Variants in OFD1 observed in about 807,000 individuals in gnomAD.
The protein encoded by OFD1 is OFD1 centriole and centriolar satellite protein.
OFD1 carries 12 observed loss-of-function variants against 81.4 expected under a neutral mutation model. The ratio of observed to expected loss-of-function variants is 0.15; its 90% CI spans 0.09 to 0.24. The LOEUF (loss-of-function observed/expected upper bound fraction) is 0.24. OFD1 is among the 10% of genes least tolerant of loss of function. The pLI is 1.00. For missense variants in OFD1, 685 were observed against 733.9 expected, an observed-to-expected ratio of 0.93 and a Z score of 0.77; for synonymous variants, 256 against 263.7, an observed-to-expected ratio of 0.97 and a Z score of 0.28.
intron 17 of OFD1, among the ~76,000 whole-genome samples, chrX:13,761,416 C>T (rs1034916412): frequency 9.0e-6 from 1 of 110,973 alleles, no homozygotes; most frequent in Non-Finnish European, 1.9e-5. Context: ...TTGCTTTTAG[C>T]AAATAAGTGG....
intron 8 of OFD1, 149 bp from the exon 9 acceptor site, chrX:13,749,276 AAG>A: frequency 4.3e-6 from 2 of 460,972 alleles, no homozygotes; most frequent in Non-Finnish European, 7.8e-6. Context: ...AATACGCAAA[AAG>A]TATACCTTGA....
Position 13,751,359 on chromosome X carries a change from A to G in OFD1, c.1046A>G (p.Glu349Gly), listed in dbSNP as rs1489275222. The G allele has an allele frequency of 2.5e-6, 3 of 1,197,790 alleles. No individual in the cohort carries two copies. Among genetic ancestry groups the G allele is most frequent in the Non-Finnish European group, 3.4e-6 (3 of 885,107 alleles). ...EETYDRKLKN[E>G]LLKYQLELKD... ...ACCTATGACCGAAAGCTCAAGAATG[A>G]ACTTCTAAAGTAATTGTTTAGCATT... The change falls in exon 10 of 23, where the codon GAA becomes GGA. Residue 349 changes from glutamate to glycine, a missense_variant. Glu to Gly is a moderately conservative substitution (Grantham distance 98). Transcript: ENST00000340096.
intron 11 of OFD1, among the ~76,000 whole-genome samples, chrX:13,754,242 A>G (rs2047615665): frequency 9.0e-6 from 1 of 111,074 alleles, no homozygotes; most frequent in African/African-American, 3.3e-5. Context: ...CGGCCTCCCA[A>G]AGTGCTGGGA....
At chrX:13,725,760 G>C in the OFD1 span, among the ~76,000 whole-genome samples, 1 of 112,327 alleles carries the variant, frequency 8.9e-6, no homozygotes, top group African/African-American at 3.2e-5. Flanking sequence ...GAATGACTTT[G>C]ATGAGTTGAC....
In OFD1 at chrX:13,734,940, G is replaced by T. The variant is rs764478757; in HGVS notation, c.-132G>T. 1 of 1,116,837 alleles carries T rather than the reference G, an allele frequency of 9.0e-7. No individual in the cohort carries two copies. Among genetic ancestry groups the T allele is most frequent in the East Asian group, 3.3e-5 (1 of 30,397 alleles). 92.0% of individuals were successfully genotyped at this position (1,116,837 alleles called of 1,213,427 possible). ...AACGTTCAGCACCTTTGTTCCTCCCGAACCCTCGGGACAGAGGCAGGGTTC... is the reference window on the plus strand; with the variant it reads ...AACGTTCAGCACCTTTGTTCCTCCCTAACCCTCGGGACAGAGGCAGGGTTC... On this transcript the variant is annotated 5_prime_UTR_variant, in exon 1 of 23. Coordinates refer to ENST00000340096, the MANE Select transcript of OFD1 (RefSeq NM_003611.3).
chrX:13,740,258 C>G, intron 5 of OFD1: 2 of 708,745 alleles, frequency 2.8e-6, no homozygotes, highest in Non-Finnish European at 3.9e-6. Context: ...TCCAGTGTGA[C>G]TCTCTGTGAT....
intron 10 of OFD1, chrX:13,752,571 C>T: frequency 2.3e-6 from 1 of 433,056 alleles, no homozygotes; most frequent in Non-Finnish European, 3.4e-6. Flanking sequence ...TCTTCTATGT[C>T]AGTTTCTATA....
At chrX:13,773,310 CTTT>C (rs11305581), downstream of OFD1, 333 of 133,196 alleles carry the variant, frequency 2.5e-3, no homozygotes, top group East Asian at 9.0e-3. Context: ...CGAGAGGGTG[CTTT>C]TTTTTTTTTT....
the OFD1 span, among the ~76,000 whole-genome samples, chrX:13,724,656 C>G: frequency 8.9e-6 from 1 of 112,096 alleles, no homozygotes; most frequent in Non-Finnish European, 1.9e-5. Context: ...ATAGGAACAC[C>G]TCCGGTCTGC....
chrX:13,741,483 T>C (rs1258217109), intron 5 of OFD1, among the ~76,000 whole-genome samples: 1 of 112,235 alleles, frequency 8.9e-6, no homozygotes, highest in Non-Finnish European at 1.9e-5. Context: ...GGTGCTAAGC[T>C]GTTGAATGGC....
At chrX:13,728,745 G>A in the OFD1 span, among the ~76,000 whole-genome samples, 2 of 111,829 alleles carry the variant, frequency 1.8e-5, no homozygotes, top group Non-Finnish European at 3.8e-5. Context: ...TGGAAGTTCT[G>A]GCCAGGGCAA....
chrX:13,752,960 G>A (rs1434239773), intron 10 of OFD1: 2 of 903,168 alleles, frequency 2.2e-6, no homozygotes, highest in Non-Finnish European at 2.8e-6. Context: ...TCTTACCTTG[G>A]TTGGGGGTGG....
chrX:13,736,436 C>A (rs775109844), intron 2 of OFD1, 42 bp from the exon 3 acceptor site: 1 of 1,174,853 alleles, frequency 8.5e-7, no homozygotes, highest in Non-Finnish European at 1.2e-6. Context: ...AAATTTCTTT[C>A]CCTTGTGTTT....
At chrX:13,725,820 G>A in the OFD1 span, among the ~76,000 whole-genome samples, 1 of 111,909 alleles carries the variant, frequency 8.9e-6, no homozygotes, top group African/African-American at 3.3e-5. Flanking sequence ...TGAGCTAAAG[G>A]AGCATGTTTG....
chrX:13,738,091 T>C (rs2046943091), intron 3 of OFD1, among the ~76,000 whole-genome samples: 1 of 112,007 alleles, frequency 8.9e-6, no homozygotes, highest in South Asian at 3.7e-4. Context: ...CCAGGTGATC[T>C]GCCCACCTCA....
At chrX:13,726,134 T>A in the OFD1 span, among the ~76,000 whole-genome samples, 2 of 112,514 alleles carry the variant, frequency 1.8e-5, no homozygotes, top group African/African-American at 3.2e-5. Context: ...TACGTTTGAC[T>A]GGTGTACCTG....
the OFD1 span, chrX:13,722,212 A>G: frequency 2.0e-5 from 1 of 49,236 alleles, no homozygotes. Flanking sequence ...CAGCAGCAAA[A>G]AAAAAAAAAA....
At chrX:13,724,981 C>G in the OFD1 span, among the ~76,000 whole-genome samples, 3 of 113,313 alleles carry the variant, frequency 2.6e-5, no homozygotes, top group African/African-American at 6.4e-5. Flanking sequence ...CCCACGCCCA[C>G]GGAGCCTTGC....
chrX:13,735,005 G>A lies in OFD1; in HGVS notation c.-67G>A. 2 of 1,169,540 alleles carry A rather than the reference G, an allele frequency of 1.7e-6. No homozygotes were observed. Among genetic ancestry groups the A allele is most frequent in the South Asian group, 3.7e-5 (2 of 54,116 alleles). Reference sequence around the variant, plus strand: ...CCCCCTCGTCTTGGCCCCACCGCCCGGGCTGGGCACTAAACTCGGGCCGCG... The same window carrying A: ...CCCCCTCGTCTTGGCCCCACCGCCCAGGCTGGGCACTAAACTCGGGCCGCG... On this transcript the variant is annotated 5_prime_UTR_variant, in exon 1 of 23. Coordinates refer to ENST00000340096, the MANE Select transcript of OFD1 (RefSeq NM_003611.3).
Sources: allele counts gnomAD v4.1 joint callset (sites outside exome capture counted in the v4.1 genomes callset), GRCh38; gene constraint gnomAD v4.1.1; transcripts MANE v1.5; gene names NCBI Gene and HGNC (gene_info 2026-07-23, HGNC 2026-07-21).